SYN2: variants seen among roughly 807,000 people sequenced by gnomAD.
SYN2 encodes the protein synapsin II, also known as synapsin-2.
A neutral mutation model predicts 50.9 loss-of-function variants in SYN2; 19 were observed. That is an observed-to-expected ratio of 0.37 (90% CI 0.26 to 0.55). The LOEUF (loss-of-function observed/expected upper bound fraction) is 0.55. SYN2 is among the 20% of genes least tolerant of loss of function. The pLI, the probability that SYN2 is intolerant of heterozygous loss-of-function variation, is 0.81. For synonymous variants in SYN2, 255 were observed against 224.9 expected (o/e 1.13, Z -1.20); for missense variants, 587 against 576.4 (o/e 1.02, Z -0.19).
intron 1 of SYN2, among the ~76,000 whole-genome samples, chr3:12,114,133 G>A (rs1208457880): frequency 2.1e-5 from 3 of 142,456 alleles, no homozygotes; most frequent in Non-Finnish European, 4.6e-5. Flanking sequence ...TTTTTTTATT[G>A]TAGCTATACT....
intron 11 of SYN2, chr3:12,184,471 T>A: frequency 1.0e-6 from 1 of 985,922 alleles, no homozygotes; most frequent in African/African-American, 1.7e-5. Flanking sequence ...TGGCCTCTCC[T>A]GAGGCCTCAT....
intron 1 of SYN2, among the ~76,000 whole-genome samples, chr3:12,014,843 C>T (rs1409512293): frequency 6.6e-6 from 1 of 152,134 alleles, no homozygotes; most frequent in African/African-American, 2.4e-5. Flanking sequence ...GTTTAACTTC[C>T]CCATTCTAAG....
In SYN2 at chr3:12,185,527, CTG is replaced by C. The variant is rs3217529; in HGVS notation, c.1370-1839_1370-1838del. The C allele has an allele frequency of 2.6e-5, 26 of 985,860 alleles. No individual in the cohort carries two copies. In the East Asian group the frequency reaches 3.0e-3, roughly 112 times the overall value. The allele number at this position is 985,860 out of a possible 1,614,324, so 61.1% of individuals were successfully genotyped here. A position where few individuals can be genotyped will look rare whatever the true frequency, so the allele number is the denominator to read the frequency against. On this transcript the variant is annotated intron_variant, in intron 11 of 12. Coordinates refer to ENST00000621198, the MANE Select transcript of SYN2 (RefSeq NM_133625.6). Reference sequence around the variant, plus strand: ...TCAGGCAGCATGCTTAGGGACAACTCTGTGGCCTGGGGGACATCTGTGTCACA... The same window carrying C: ...TCAGGCAGCATGCTTAGGGACAACTCTGGCCTGGGGGACATCTGTGTCACA...
chr3:12,090,382 C>CT (rs5846745), intron 1 of SYN2, among the ~76,000 whole-genome samples: 138,266 of 152,196 alleles, frequency 0.91, 62,840 homozygotes, highest in East Asian at 1. Context: ...AACACAAACA[C>CT]TAAGTTAATG....
intron 1 of SYN2, among the ~76,000 whole-genome samples, chr3:12,095,509 C>T (rs1695911605): frequency 8.4e-6 from 1 of 118,856 alleles, no homozygotes; most frequent in Non-Finnish European, 1.7e-5. Flanking sequence ...GATGGCGCCA[C>T]TGCACTCCAG....
At chr3:12,158,304 G>A (rs1050742325) in intron 5 of SYN2, among the ~76,000 whole-genome samples, 2 of 152,170 alleles carry the variant, frequency 1.3e-5, no homozygotes, top group African/African-American at 4.8e-5. Flanking sequence ...TAGGGGCTTG[G>A]TGGCAACCTC....
intron 1 of SYN2, among the ~76,000 whole-genome samples, chr3:12,074,174 G>A (rs561562413): frequency 1.2e-4 from 19 of 152,020 alleles, no homozygotes; most frequent in South Asian, 6.2e-4. Context: ...TTTTAGCCTG[G>A]TACATCTTTT....
chr3:12,075,430 A>G lies in SYN2; in HGVS notation c.378-65221A>G, dbSNP rs1156261566. ...TTGGAGGAAAATTACTTTGAGTACA[A>G]TTGATATGATGTCAATTGCTATGAT... is the stretch of plus-strand genomic sequence containing the variant. On this transcript the variant is annotated intron_variant, in intron 1 of 12. Transcript: ENST00000621198. Among the ~76,000 whole-genome samples, 3 of 152,310 alleles carry G rather than the reference A, an allele frequency of 2.0e-5. No homozygotes were observed. In the East Asian group the frequency reaches 5.8e-4, roughly 29 times the overall value.
At chr3:12,157,258 C>T (rs1452766601) in intron 5 of SYN2, 8 of 832,646 alleles carry the variant, frequency 9.6e-6, no homozygotes, top group Non-Finnish European at 1.5e-5. Context: ...CATCCAGTTC[C>T]ACTTCAGTAT....
At chr3:12,042,630 C>T (rs1694643434) in intron 1 of SYN2, among the ~76,000 whole-genome samples, 1 of 152,160 alleles carries the variant, frequency 6.6e-6, no homozygotes, top group South Asian at 2.1e-4. Flanking sequence ...GCCTGGCCCT[C>T]CCCATCCCCC....
intron 1 of SYN2, among the ~76,000 whole-genome samples, chr3:12,080,986 T>A (rs1012953610): frequency 1.1e-4 from 16 of 152,184 alleles, no homozygotes; most frequent in African/African-American, 3.6e-4. Flanking sequence ...GAAAAAAATA[T>A]AATTAATTAG....
Position 12,158,981 on chromosome 3 carries a change from G to T in SYN2, c.775-2565G>T, listed in dbSNP as rs942414727. 1.0e-5 allele frequency: 13 copies of T among 1,283,322 alleles called. No homozygotes were observed. The East Asian group carries it at 2.3e-4, about 22-fold the overall frequency. The allele number at this position is 1,283,322 out of a possible 1,614,324, so 79.5% of individuals were successfully genotyped here. ...GGCCAATCCCGCCCCGACGGGCTCC[G>T]CCTTCCTTTGGCTCTAGGCCACCCG... On this transcript the variant is annotated intron_variant, in intron 5 of 12. Transcript: ENST00000621198.
intron 1 of SYN2, among the ~76,000 whole-genome samples, chr3:12,113,622 C>G (rs1050236477): frequency 6.6e-6 from 1 of 152,108 alleles, no homozygotes; most frequent in Admixed American, 6.5e-5. Context: ...CCCTTTCCCT[C>G]AACCCTGGTA....
chr3:12,008,234 C>A (rs1693838920), intron 1 of SYN2, among the ~76,000 whole-genome samples: 1 of 152,104 alleles, frequency 6.6e-6, no homozygotes, highest in African/African-American at 2.4e-5. Flanking sequence ...TTCATCCTGG[C>A]ATGATGTTTC....
At chr3:12,034,617 GGCATTACATT>G (rs1694454910) in intron 1 of SYN2, among the ~76,000 whole-genome samples, 1 of 152,132 alleles carries the variant, frequency 6.6e-6, no homozygotes, top group Admixed American at 6.5e-5. Flanking sequence ...GGCATGACAT[GGCATTACATT>G]GCACAAGAGT....
At chr3:12,134,103 G>A (rs533146569) in intron 1 of SYN2, among the ~76,000 whole-genome samples, 101 of 152,212 alleles carry the variant, frequency 6.6e-4, no homozygotes, top group Admixed American at 1.2e-3. Context: ...ATGTTGTTAT[G>A]TCTGTTTTGC....
In SYN2 at chr3:12,004,523, C is replaced by T; in HGVS notation, c.-29C>T. On this transcript the variant is annotated 5_prime_UTR_variant, in exon 1 of 13. Transcript: ENST00000621198. ...CCCTCCGCGCCACCAGACCCCGTAGCCCCGCGCGCCCCCAGCCCTTTAAGC... is the reference window on the plus strand; with the variant it reads ...CCCTCCGCGCCACCAGACCCCGTAGTCCCGCGCGCCCCCAGCCCTTTAAGC... 1 of 567,110 alleles carries T rather than the reference C, an allele frequency of 1.8e-6. No homozygotes were observed. The allele number at this position is 567,110 out of a possible 1,614,324, so 35.1% of individuals were successfully genotyped here.
At chr3:12,027,765 T>G (rs1020492514) in intron 1 of SYN2, among the ~76,000 whole-genome samples, 4 of 152,154 alleles carry the variant, frequency 2.6e-5, no homozygotes, top group Non-Finnish European at 4.4e-5. Context: ...TCAAAACCCA[T>G]GTTTCTTTCA....
At chr3:12,186,596 G>A (rs1159097284) in intron 11 of SYN2, among the ~76,000 whole-genome samples, 2 of 152,158 alleles carry the variant, frequency 1.3e-5, no homozygotes, top group Non-Finnish European at 2.9e-5. Context: ...ATTACTGAGA[G>A]GCAAAACAGT....
Sources: gnomAD v4.1 joint callset for allele counts (sites outside exome capture counted in the v4.1 genomes callset) on GRCh38, gnomAD v4.1.1 for gene constraint, MANE v1.5 for transcripts, NCBI Gene and HGNC (gene_info 2026-07-23, HGNC 2026-07-21) for gene names.